Variants in COL14A1 observed in about 807,000 individuals in gnomAD.
COL14A1 encodes the protein collagen type XIV alpha 1 chain, also known as collagen alpha-1(XIV) chain.
Under a neutral mutation model 230.3 loss-of-function variants are expected in COL14A1, and 136 were observed. The observed-to-expected ratio is 0.59, with a 90% CI of 0.51 to 0.68. The LOEUF (loss-of-function observed/expected upper bound fraction) is 0.68, where lower values mean the gene tolerates loss of function less well. Ranked by LOEUF, COL14A1 falls within the 30% of genes least tolerant of loss-of-function variation. The pLI, the probability that COL14A1 is intolerant of heterozygous loss-of-function variation, is 0.00. For missense variants in COL14A1, 1,976 were observed against 2,215.8 expected (o/e 0.89, Z 2.17); for synonymous variants, 792 against 784.1 (o/e 1.01, Z -0.17).
chr8:120,289,635 G>T lies in COL14A1; in HGVS notation c.4105G>T (p.Val1369Phe). The T allele has an allele frequency of 3.7e-6, 6 of 1,613,742 alleles. No individual in the cohort carries two copies. Among genetic ancestry groups the T allele is most frequent in the Non-Finnish European group, 5.1e-6 (6 of 1,179,868 alleles). ...ACACATTGTTGTCAGTGAGACTTTGGTCAAAGTGGTTATTGACTGCAAGCA... is the reference window on the plus strand; with the variant it reads ...ACACATTGTTGTCAGTGAGACTTTGTTCAAAGTGGTTATTGACTGCAAGCA... ...KLHIVVSETL[V>F]KVVIDCKQVG... Residue 1369 changes from valine (V) to phenylalanine (F), a missense_variant, in exon 34 of 48, where the codon GTC becomes TTC. This residue lies in a region of COL14A1 where 1,791 missense variants were observed against 2,019.5 expected (regional missense o/e 0.89). Coordinates refer to ENST00000297848, the MANE Select transcript of COL14A1 (RefSeq NM_021110.4).
At chr8:120,293,590 AG>A (rs1164425957) in intron 34 of COL14A1, among the ~76,000 whole-genome samples, 1 of 151,812 alleles carries the variant, frequency 6.6e-6, no homozygotes, top group Non-Finnish European at 1.5e-5. Context: ...CCTTTCAAAA[AG>A]TGAGAGTACT....
chr8:120,190,751 C>A (rs1479511575), intron 5 of COL14A1, among the ~76,000 whole-genome samples: 2 of 152,310 alleles, frequency 1.3e-5, no homozygotes, highest in African/African-American at 4.8e-5. Context: ...AGAGAGTCAA[C>A]TTCTTCCTGA....
intron 36 of COL14A1, among the ~76,000 whole-genome samples, chr8:120,307,798 C>T (rs113815627): frequency 6.6e-6 from 1 of 152,110 alleles, no homozygotes. Context: ...AACAGGGACC[C>T]TCTTAAACTA....
At chr8:120,207,138 C>G in intron 10 of COL14A1, 44 bp downstream of exon 10, 1 of 1,522,736 alleles carries the variant, frequency 6.6e-7, no homozygotes, top group Non-Finnish European at 8.9e-7. Flanking sequence ...TTTATTCTCT[C>G]AAGTCTTCTA....
intron 40 of COL14A1, among the ~76,000 whole-genome samples, chr8:120,321,528 A>G (rs1317302780): frequency 6.6e-6 from 1 of 152,076 alleles, no homozygotes; most frequent in Non-Finnish European, 1.5e-5. Context: ...CTGTAATTCC[A>G]GCTACTCAGG....
At chr8:120,138,086 A>G (rs1004975298) in intron 1 of COL14A1, among the ~76,000 whole-genome samples, 5 of 151,238 alleles carry the variant, frequency 3.3e-5, no homozygotes, top group Admixed American at 3.3e-4. Flanking sequence ...CTCAATAAAT[A>G]TCAACTACTT....
chr8:120,139,113 G>A (rs1256301253), intron 1 of COL14A1, among the ~76,000 whole-genome samples: 1 of 152,180 alleles, frequency 6.6e-6, no homozygotes, highest in Non-Finnish European at 1.5e-5. Flanking sequence ...CCTGTGGGTT[G>A]GGAGCATCCC....
At chr8:120,224,279 G>A (rs1818027652) in intron 14 of COL14A1, among the ~76,000 whole-genome samples, 1 of 151,882 alleles carries the variant, frequency 6.6e-6, no homozygotes, top group Non-Finnish European at 1.5e-5. Context: ...TACCTGCCTC[G>A]GCCTCCCAAA....
intron 36 of COL14A1, among the ~76,000 whole-genome samples, chr8:120,301,411 G>A (rs1427632883): frequency 6.6e-6 from 1 of 152,142 alleles, no homozygotes. Flanking sequence ...GTGTCCATGA[G>A]TTCTCATCAT....
chr8:120,328,943 T>C (rs540473296), intron 40 of COL14A1, among the ~76,000 whole-genome samples: 2 of 152,258 alleles, frequency 1.3e-5, no homozygotes, highest in African/African-American at 4.8e-5. Flanking sequence ...GCTGGGCAGT[T>C]GTGTTGGCCA....
intron 36 of COL14A1, among the ~76,000 whole-genome samples, chr8:120,303,271 T>C (rs973221808): frequency 2.0e-5 from 3 of 152,180 alleles, no homozygotes; most frequent in African/African-American, 7.2e-5. Flanking sequence ...CTTCCAATAC[T>C]ATGTTAAATA....
intron 16 of COL14A1, 67 bp downstream of exon 16, chr8:120,226,833 TG>T: frequency 6.9e-7 from 1 of 1,441,068 alleles, no homozygotes; most frequent in African/African-American, 1.4e-5. Context: ...CTGCTGGAGT[TG>T]GTCTTCACTT....
chr8:120,155,047 T>C (rs4541974), intron 2 of COL14A1, among the ~76,000 whole-genome samples: 36,933 of 152,116 alleles, frequency 0.24, 4,894 homozygotes, highest in South Asian at 0.31. Flanking sequence ...TCAATATTTT[T>C]TACCCTAAAG....
chr8:120,355,503 C>T (rs912372977), intron 45 of COL14A1, among the ~76,000 whole-genome samples: 4 of 151,658 alleles, frequency 2.6e-5, no homozygotes, highest in Non-Finnish European at 5.9e-5. Flanking sequence ...ACCTCCGCCC[C>T]CCGGGTTCAA....
intron 15 of COL14A1, among the ~76,000 whole-genome samples, chr8:120,225,478 A>C (rs1026714828): frequency 2.0e-5 from 3 of 152,128 alleles, no homozygotes; most frequent in African/African-American, 7.2e-5. Context: ...TCTCTTCCTA[A>C]TCTTATATCT....
intron 12 of COL14A1, among the ~76,000 whole-genome samples, chr8:120,210,373 T>C (rs1250377205): frequency 2.0e-5 from 3 of 152,236 alleles, no homozygotes; most frequent in Admixed American, 2.0e-4. Context: ...AGTTTATTTT[T>C]CAAAGGGTAG....
chr8:120,317,752 C>G (rs1393583825), intron 40 of COL14A1, among the ~76,000 whole-genome samples: 1 of 152,210 alleles, frequency 6.6e-6, no homozygotes, highest in Non-Finnish European at 1.5e-5. Context: ...AATATACCAA[C>G]ACAGACTTTT....
chr8:120,253,623 T>C (rs1819045701), intron 22 of COL14A1, among the ~76,000 whole-genome samples: 1 of 152,156 alleles, frequency 6.6e-6, no homozygotes, highest in Non-Finnish European at 1.5e-5. Context: ...TTAACATTGA[T>C]AAAAGTTATA....
intron 5 of COL14A1, among the ~76,000 whole-genome samples, chr8:120,183,894 T>G (rs995346478): frequency 2.0e-5 from 3 of 152,182 alleles, no homozygotes; most frequent in African/African-American, 7.2e-5. Context: ...GAAATACTTC[T>G]CTTCTGTGAT....
Sources: gnomAD v4.1 joint callset for allele counts (sites outside exome capture counted in the v4.1 genomes callset) on GRCh38, gnomAD v4.1.1 for gene constraint, gnomAD v4.1.1 regional missense constraint, MANE v1.5 for transcripts, NCBI Gene and HGNC (gene_info 2026-07-23, HGNC 2026-07-21) for gene names.